Variants in WDR7 observed in about 807,000 individuals in gnomAD.
WDR7 encodes WD repeat domain 7.
In WDR7, 46 loss-of-function variants were observed where a neutral mutation model predicts 169.4. The ratio of observed to expected loss-of-function variants is 0.27; its 90% CI spans 0.21 to 0.35. The LOEUF is 0.35. WDR7 is among the 10% of genes least tolerant of loss of function. WDR7 has a pLI of 1.00. For synonymous variants in WDR7, 612 were observed against 666.8 expected (o/e 0.92, Z 1.27); for missense variants, 1,534 against 1,859.3 (o/e 0.83, Z 3.22).
intron 26 of WDR7, chr18:57,009,746 T>C: frequency 1.6e-6 from 1 of 641,914 alleles, no homozygotes; most frequent in African/African-American, 2.0e-5. Context: ...CTTTTCAGAA[T>C]GGTGAAAATG....
At chr18:56,772,467 T>C (rs2044179627) in intron 16 of WDR7, among the ~76,000 whole-genome samples, 1 of 152,096 alleles carries the variant, frequency 6.6e-6, no homozygotes, top group African/African-American at 2.4e-5. Context: ...GAAAAATCAT[T>C]GAGAAGCTAT....
intron 16 of WDR7, among the ~76,000 whole-genome samples, chr18:56,762,850 A>G (rs1465440710): frequency 6.7e-6 from 1 of 149,596 alleles, no homozygotes; most frequent in African/African-American, 2.4e-5. Flanking sequence ...CATTTTGGCG[A>G]AATGCCTATT....
rs149913469 is a variant in WDR7, at chr18:56,765,361, G to T, written c.2848+6408G>T. The stretch of plus-strand genomic sequence containing the variant: ...TTTAGACTAAAAAGATTTTTTTTAT[G>T]ATTCCATTTGATCTCCTTTATGGCT... On this transcript the variant is annotated intron_variant, in intron 16 of 27. Transcript: ENST00000254442. Among the ~76,000 whole-genome samples, 847 of 151,382 alleles carry T rather than the reference G, an allele frequency of 5.6e-3. 5 individuals are homozygous for T. Among genetic ancestry groups the T allele is most frequent in the African/African-American group, 0.019 (802 of 41,286 alleles).
chr18:56,779,262 C>T (rs951414194), intron 17 of WDR7, among the ~76,000 whole-genome samples, 169 bp from the exon 18 acceptor site: 2 of 152,060 alleles, frequency 1.3e-5, no homozygotes, highest in African/African-American at 4.8e-5. Flanking sequence ...GGATGAAATA[C>T]GTTTAGTATA....
intron 20 of WDR7, among the ~76,000 whole-genome samples, chr18:56,843,857 C>CTTTTTTTTT (rs776575088): frequency 3.2e-4 from 43 of 134,334 alleles, no homozygotes; most frequent in Middle Eastern, 4.0e-3. Flanking sequence ...TTTTTTCTTT[C>CTTTTTTTTT]TTTTTTTTTT....
At chr18:56,970,807 T>C (rs1315828797) in intron 26 of WDR7, among the ~76,000 whole-genome samples, 1 of 152,238 alleles carries the variant, frequency 6.6e-6, no homozygotes, top group East Asian at 1.9e-4. Context: ...AATCCTTATT[T>C]ATATAACTTT....
downstream of WDR7, chr18:57,033,896 C>A (rs12965066): frequency 0.31 from 47,167 of 152,018 alleles, 8,400 homozygotes; most frequent in East Asian, 0.51. Context: ...GCCTGTAATC[C>A]CAGCATTTTG....
At chr18:56,751,172 C>T (rs1040802751) in intron 14 of WDR7, among the ~76,000 whole-genome samples, 2 of 152,198 alleles carry the variant, frequency 1.3e-5, no homozygotes, top group South Asian at 2.1e-4. Flanking sequence ...AATTGCATCC[C>T]GATATCATTG....
intron 21 of WDR7, among the ~76,000 whole-genome samples, chr18:56,917,994 T>C (rs1298099515): frequency 2.0e-5 from 3 of 152,198 alleles, no homozygotes; most frequent in African/African-American, 4.8e-5. Flanking sequence ...AGGGTCTAAG[T>C]TGTGATGTAT....
intron 21 of WDR7, among the ~76,000 whole-genome samples, chr18:56,892,078 C>G (rs150448729): frequency 6.6e-6 from 1 of 152,120 alleles, no homozygotes; most frequent in African/African-American, 2.4e-5. Context: ...CATCCTACTT[C>G]TCCAAAAATA....
intron 20 of WDR7, among the ~76,000 whole-genome samples, chr18:56,874,281 T>C (rs2045993223): frequency 6.6e-6 from 1 of 152,152 alleles, no homozygotes; most frequent in South Asian, 2.1e-4. Context: ...TTTTTTTTTC[T>C]TCTTAGTATG....
intron 20 of WDR7, among the ~76,000 whole-genome samples, chr18:56,830,737 C>T (rs755011543): frequency 1.3e-5 from 2 of 152,190 alleles, no homozygotes; most frequent in African/African-American, 2.4e-5. Flanking sequence ...GATGGAGTCT[C>T]GCTCTGTCGC....
At chr18:56,822,272 G>A (rs1193693871) in intron 20 of WDR7, among the ~76,000 whole-genome samples, 1 of 152,142 alleles carries the variant, frequency 6.6e-6, no homozygotes, top group Non-Finnish European at 1.5e-5. Context: ...TTACATACGT[G>A]TAAATGTTCA....
At chr18:56,790,458 C>G (rs368117800) in intron 19 of WDR7, among the ~76,000 whole-genome samples, 1 of 151,922 alleles carries the variant, frequency 6.6e-6, no homozygotes. Context: ...ATAGATCTTA[C>G]GGATTGGAAG....
At chr18:56,904,126 G>T (rs1375617922) in intron 21 of WDR7, among the ~76,000 whole-genome samples, 3 of 151,338 alleles carry the variant, frequency 2.0e-5, no homozygotes, top group Non-Finnish European at 2.9e-5. Context: ...ATGGAGTGCA[G>T]TGGCGCGATC....
At chr18:56,974,096 A>G (rs547144521) in intron 26 of WDR7, among the ~76,000 whole-genome samples, 13 of 152,326 alleles carry the variant, frequency 8.5e-5, no homozygotes, top group African/African-American at 3.1e-4. Context: ...TGCACTGACA[A>G]ATTAAAGATA....
chr18:56,689,970 T>C (rs1263273324), intron 7 of WDR7, among the ~76,000 whole-genome samples: 1 of 152,108 alleles, frequency 6.6e-6, no homozygotes, highest in African/African-American at 2.4e-5. Context: ...TGTTCTAACT[T>C]CAAGGCTGTA....
chr18:56,742,360 A>G (rs2043632335), intron 14 of WDR7, among the ~76,000 whole-genome samples: 1 of 152,202 alleles, frequency 6.6e-6, no homozygotes, highest in Non-Finnish European at 1.5e-5. Context: ...AGGTATTGTG[A>G]AGTAATTTAT....
intron 1 of WDR7, among the ~76,000 whole-genome samples, chr18:56,652,831 G>C (rs2144389365): frequency 6.6e-6 from 1 of 151,986 alleles, no homozygotes; most frequent in African/African-American, 2.4e-5. Flanking sequence ...AAAAGATCTC[G>C]GTGACTGGGT....
Sources: gnomAD v4.1 joint callset for allele counts (sites outside exome capture counted in the v4.1 genomes callset) on GRCh38, gnomAD v4.1.1 for gene constraint, MANE v1.5 for transcripts, NCBI Gene and HGNC (gene_info 2026-07-23, HGNC 2026-07-21) for gene names.